MAEA: variants seen among roughly 807,000 people sequenced by gnomAD.
MAEA encodes the protein macrophage erythroblast attacher, E3 ubiquitin ligase, also known as E3 ubiquitin-protein transferase MAEA.
A neutral mutation model predicts 46.2 loss-of-function variants in MAEA; 22 were observed. That is an observed-to-expected ratio of 0.48 (90% CI 0.34 to 0.68). MAEA has a LOEUF of 0.68. Ranked by LOEUF, MAEA falls within the 30% of genes least tolerant of loss-of-function variation. The pLI is 0.01. For synonymous variants in MAEA, 246 were observed against 222.6 expected (o/e 1.11, Z -0.94); for missense variants, 393 against 558.1 (o/e 0.70, Z 2.98).
rs1171007792 is a variant in MAEA, at chr4:1,339,134, C to T, written c.1156C>T (p.His386Tyr). The T allele has an allele frequency of 1.2e-6, 2 of 1,613,950 alleles. No individual in the cohort carries two copies. Among genetic ancestry groups the T allele is most frequent in the Non-Finnish European group, 1.7e-6 (2 of 1,179,994 alleles). Reference sequence around the variant, plus strand: ...GTGCCCGAGAACCAAAGAAGTCTTCCACTTCTCACAAGCCGAGAAGGTGTA... The same window carrying T: ...GTGCCCGAGAACCAAAGAAGTCTTCTACTTCTCACAAGCCGAGAAGGTGTA... Reference protein sequence around the residue: ...VVCPRTKEVFHFSQAEKVYIM With the variant: ...VVCPRTKEVFYFSQAEKVYIM Residue 386 changes from histidine to tyrosine, a missense_variant, in exon 9 of 9, where the codon CAC becomes TAC. Transcript: ENST00000303400.
intron 3 of MAEA, among the ~76,000 whole-genome samples, chr4:1,321,330 A>G (rs927980218): frequency 6.6e-6 from 1 of 152,246 alleles, no homozygotes; most frequent in African/African-American, 2.4e-5. Flanking sequence ...AACATGCAAG[A>G]AAACGCTATG....
In MAEA at chr4:1,311,290, G is replaced by A. The variant is rs997984041; in HGVS notation, c.70-689G>A. Among the ~76,000 whole-genome samples the A allele has an allele frequency of 3.3e-5, 5 of 152,250 alleles. No homozygotes were observed. The highest frequency in any genetic ancestry group is 6.5e-5 in the Admixed American group (1 of 15,288). On this transcript the variant is annotated intron_variant, in intron 1 of 8. Transcript: ENST00000303400. This position sits in a 1 kb window ranked among gnomAD's most constrained non-coding sequence, Gnocchi z 4.4. ...GGGAGCGCTGGGGCGTGATTCTGTC[G>A]TGCCGCTTTCAAACCGTAGAGCACA...
chr4:1,318,437 C>T (rs1298070334), intron 3 of MAEA, among the ~76,000 whole-genome samples: 1 of 152,184 alleles, frequency 6.6e-6, no homozygotes, highest in Non-Finnish European at 1.5e-5. Flanking sequence ...ATTCTAAGGC[C>T]AGTTGGAGTA....
intron 3 of MAEA, among the ~76,000 whole-genome samples, chr4:1,320,993 G>C (rs887132519): frequency 6.6e-6 from 1 of 152,212 alleles, no homozygotes; most frequent in Non-Finnish European, 1.5e-5. Flanking sequence ...CCAGCTACCC[G>C]GGAGGCCAAG....
chr4:1,332,925 T>G, intron 6 of MAEA, 60 bp downstream of exon 6: 9 of 1,341,484 alleles, frequency 6.7e-6, no homozygotes, highest in East Asian at 2.5e-5. Context: ...GGTGTGTCTC[T>G]GGTCTGTAGC....
chr4:1,312,591 G>A (rs549677571), intron 2 of MAEA: 325 of 179,932 alleles, frequency 1.8e-3, no homozygotes, highest in Middle Eastern at 5.4e-3. Flanking sequence ...CACCACGCCC[G>A]TCTAATTTTT....
Position 1,315,619 on chromosome 4 carries a change from C to T in MAEA, c.456+19C>T, listed in dbSNP as rs778495196. The T allele has an allele frequency of 2.9e-5, 47 of 1,611,260 alleles. No individual in the cohort carries two copies. The Middle Eastern group carries it at 5.0e-4, about 17-fold the overall frequency. ...CATCGAGGTGGGTGCCCGCCAGACG[C>T]AGGCACAGCGCCCCAGCTGGCCCCA... On this transcript the variant is annotated intron_variant, in intron 3 of 8. Coordinates refer to ENST00000303400, the MANE Select transcript of MAEA (RefSeq NM_001017405.3).
chr4:1,309,129 G>A (rs572854782), intron 1 of MAEA, among the ~76,000 whole-genome samples: 21 of 152,090 alleles, frequency 1.4e-4, no homozygotes, highest in Non-Finnish European at 2.6e-4. Context: ...CTTTGTCCAC[G>A]GATTTATTGT....
Position 1,332,774 on chromosome 4 carries a change from T to G in MAEA, c.674T>G (p.Phe225Cys), listed in dbSNP as rs777822159. 6.2e-7 allele frequency: 1 copy of G among 1,612,658 alleles called. No individual in the cohort carries two copies. The highest frequency in any genetic ancestry group is 8.5e-7 in the Non-Finnish European group (1 of 1,179,438). Residue 225 changes from phenylalanine (F) to cysteine (C), a missense_variant, in exon 6 of 9, where the codon TTC (phenylalanine) becomes TGC (cysteine). Coordinates refer to ENST00000303400, the MANE Select transcript of MAEA (RefSeq NM_001017405.3). ...LDAVRHARKH[F>C]SQAEGSQLDE... is the part of the protein sequence containing the mutation. ...TTTTTTAGACATGCAAGAAAGCACT[T>G]CAGCCAAGCAGAAGGGAGCCAGCTG...
intron 6 of MAEA, among the ~76,000 whole-genome samples, chr4:1,336,201 G>A (rs866894147): frequency 6.6e-6 from 1 of 150,772 alleles, no homozygotes; most frequent in South Asian, 2.1e-4. Flanking sequence ...TCCAGCACTC[G>A]TCCCGCAGAG....
intron 5 of MAEA, chr4:1,329,584 T>A: frequency 1.0e-6 from 1 of 984,884 alleles, no homozygotes; most frequent in South Asian, 4.7e-5. Flanking sequence ...GTGAGCTACA[T>A]CCTCTGCTGG....
rs1254637236 is a variant in MAEA at position 1,322,486 on chromosome 4, C to T, written c.562C>T (p.Arg188Trp). 1.2e-6 allele frequency: 2 copies of T among 1,613,820 alleles called. No individual in the cohort carries two copies. Among genetic ancestry groups the T allele is most frequent in the Admixed American group, 1.7e-5 (1 of 60,014 alleles). ...GGCCTGGTGCCATGACAACAAGTCCCGGCTCCGGAAGATGAAGGTGCACGG... is the reference window on the plus strand; with the variant it reads ...GGCCTGGTGCCATGACAACAAGTCCTGGCTCCGGAAGATGAAGGTGCACGG... ...CLAWCHDNKSRLRKMKSCLEF... is the reference protein window; with the variant it reads ...CLAWCHDNKSWLRKMKSCLEF... The change falls in exon 4 of 9, where the codon CGG (arginine) becomes TGG (tryptophan). Residue 188 changes from arginine to tryptophan, a missense_variant. Physicochemically the swap from Arg to Trp is moderately radical, Grantham distance 101. Transcript: ENST00000303400.
chr4:1,336,710 T>C (rs1712814815), intron 6 of MAEA, 151 bp from the exon 7 acceptor site: 3 of 650,452 alleles, frequency 4.6e-6, no homozygotes, highest in East Asian at 2.7e-5. Context: ...GAGGGAGTTA[T>C]GCTTTGTGCT....
chr4:1,327,785 T>G, intron 5 of MAEA, 82 bp downstream of exon 5: 4 of 1,276,294 alleles, frequency 3.1e-6, no homozygotes, highest in Non-Finnish European at 3.4e-6. Context: ...TGTCGTGGTC[T>G]GGGTCCTGGG....
At chr4:1,333,403 G>C (rs1560386972) in intron 6 of MAEA, among the ~76,000 whole-genome samples, 1 of 151,990 alleles carries the variant, frequency 6.6e-6, no homozygotes, top group Non-Finnish European at 1.5e-5. Flanking sequence ...CGTTCAGCCG[G>C]GGCCCAGCTT....
intron 3 of MAEA, among the ~76,000 whole-genome samples, chr4:1,316,211 G>A (rs1437763672): frequency 6.6e-6 from 1 of 152,174 alleles, no homozygotes; most frequent in East Asian, 1.9e-4. Flanking sequence ...AGAAACACGT[G>A]GCACCCTTGC....
chr4:1,334,996 C>T (rs1375801730), intron 6 of MAEA: 2 of 985,300 alleles, frequency 2.0e-6, no homozygotes, highest in East Asian at 1.1e-4. Context: ...TGGGTGACGT[C>T]CCCTGATGAC....
At chr4:1,309,810 T>C in intron 1 of MAEA, 1 of 1,390,272 alleles carries the variant, frequency 7.2e-7, no homozygotes, top group Non-Finnish European at 9.4e-7. Flanking sequence ...AAAGGGTTCC[T>C]GTCTGCAGCA....
chr4:1,309,808 C>T (rs1199620625), intron 1 of MAEA: 2 of 1,397,074 alleles, frequency 1.4e-6, no homozygotes, highest in Non-Finnish European at 1.9e-6. Flanking sequence ...GCAAAGGGTT[C>T]CTGTCTGCAG....
Sources: gnomAD v4.1 joint callset for allele counts (sites outside exome capture counted in the v4.1 genomes callset) on GRCh38, gnomAD v4.1.1 for gene constraint, Gnocchi (gnomAD v3.1) non-coding constraint, MANE v1.5 for transcripts, NCBI Gene and HGNC (gene_info 2026-07-23, HGNC 2026-07-21) for gene names.